Variants in ZDHHC21 observed in about 807,000 individuals in gnomAD.
The protein encoded by ZDHHC21 is palmitoyltransferase ZDHHC21.
ZDHHC21 carries 15 observed loss-of-function variants against 34.6 expected under a neutral mutation model. The observed-to-expected ratio is 0.43, with a 90% CI of 0.29 to 0.67. ZDHHC21 has a LOEUF of 0.67. Among genes scored for constraint, ZDHHC21 ranks in the 30% least tolerant of loss-of-function variants. ZDHHC21 has a pLI of 0.14. For missense variants in ZDHHC21, 344 were observed against 327.7 expected (o/e 1.05, Z -0.38); for synonymous variants, 142 against 101.8 (o/e 1.40, Z -2.38).
intron 8 of ZDHHC21, among the ~76,000 whole-genome samples, chr9:14,626,155 T>C (rs1018074822): frequency 2.6e-5 from 4 of 152,012 alleles, no homozygotes; most frequent in East Asian, 3.8e-4. Context: ...TGGTTATTAG[T>C]AGAAATAAGA....
intron 5 of ZDHHC21, among the ~76,000 whole-genome samples, 175 bp downstream of exon 5, chr9:14,672,655 G>C (rs1005416053): frequency 6.6e-6 from 1 of 152,038 alleles, no homozygotes; most frequent in African/African-American, 2.4e-5. Context: ...CCGGGGTGCA[G>C]GGGGAGCAGG....
intron 2 of ZDHHC21, among the ~76,000 whole-genome samples, chr9:14,680,828 G>C (rs963653910): frequency 3.3e-5 from 5 of 152,144 alleles, no homozygotes; most frequent in African/African-American, 7.2e-5. Context: ...TTAAGACAGA[G>C]AGCAAGGGGA....
At chr9:14,680,761 A>G (rs1240274337) in intron 2 of ZDHHC21, among the ~76,000 whole-genome samples, 1 of 152,224 alleles carries the variant, frequency 6.6e-6, no homozygotes, top group Non-Finnish European at 1.5e-5. Flanking sequence ...GATGAAAAAG[A>G]GAGGCTCTAT....
At chr9:14,596,358 T>C in the ZDHHC21 span, among the ~76,000 whole-genome samples, 1 of 152,088 alleles carries the variant, frequency 6.6e-6, no homozygotes, top group Admixed American at 6.6e-5. Context: ...AGCCGCTAGG[T>C]TGTTGGTATG....
chr9:14,594,862 AT>A, the ZDHHC21 span, among the ~76,000 whole-genome samples: 1 of 152,306 alleles, frequency 6.6e-6, no homozygotes, highest in East Asian at 1.9e-4. Flanking sequence ...GTGGGCAAAA[AT>A]TTTGAATAGA....
chr9:14,644,626 T>C (rs1297720495), intron 7 of ZDHHC21, among the ~76,000 whole-genome samples: 1 of 152,092 alleles, frequency 6.6e-6, no homozygotes, highest in Admixed American at 6.6e-5. Flanking sequence ...TTTGTCTTCA[T>C]ACACTGAGAT....
intron 8 of ZDHHC21, among the ~76,000 whole-genome samples, chr9:14,624,764 C>T (rs62532729): frequency 0.11 from 17,136 of 152,002 alleles, 1,049 homozygotes; most frequent in Non-Finnish European, 0.14. Context: ...CAACAAAGTA[C>T]TGTACATCTC....
intron 7 of ZDHHC21, among the ~76,000 whole-genome samples, chr9:14,655,362 C>G (rs969092229): frequency 1.3e-5 from 2 of 151,856 alleles, no homozygotes; most frequent in African/African-American, 4.8e-5. Flanking sequence ...AAAAAATAAG[C>G]CTAGAGGAGG....
At chr9:14,678,595 C>G (rs1402987514) in intron 3 of ZDHHC21, among the ~76,000 whole-genome samples, 1 of 152,052 alleles carries the variant, frequency 6.6e-6, no homozygotes, top group African/African-American at 2.4e-5. Flanking sequence ...CTGATACAAT[C>G]ATCCTGGGAG....
Position 14,615,774 on chromosome 9 carries a change from TAAAA to T in ZDHHC21, c.*3188_*3191del, listed in dbSNP as rs1824049005. 1 of 151,592 alleles carries T rather than the reference TAAAA, an allele frequency of 6.6e-6. No individual in the cohort carries two copies. 9.4% of individuals were successfully genotyped at this position (151,592 alleles called of 1,614,324 possible). ...GGAGGTGTAACTTACAGTATCTAGG[TAAAA>T]ACCTTTCATTTCCAGAAGGTCGACA... On this transcript the variant is annotated 3_prime_UTR_variant, in exon 10 of 10. Transcript: ENST00000380916.
chr9:14,655,308 C>G (rs559104287), intron 7 of ZDHHC21, among the ~76,000 whole-genome samples: 54 of 151,940 alleles, frequency 3.6e-4, no homozygotes, highest in African/African-American at 1.3e-3. Flanking sequence ...TTCAGGGAAC[C>G]AACACTGAGA....
At chr9:14,634,684 T>C (rs1464161224) in intron 8 of ZDHHC21, among the ~76,000 whole-genome samples, 1 of 151,956 alleles carries the variant, frequency 6.6e-6, no homozygotes, top group Non-Finnish European at 1.5e-5. Context: ...CAAAGATACA[T>C]GTCCAGGAAA....
At chr9:14,656,017 A>G (rs541067666) in intron 7 of ZDHHC21, among the ~76,000 whole-genome samples, 3 of 151,972 alleles carry the variant, frequency 2.0e-5, no homozygotes, top group African/African-American at 7.2e-5. Flanking sequence ...AAAAATTTGA[A>G]GGCAAGAATC....
rs569132012 is a variant in ZDHHC21 at position 14,678,901 on chromosome 9, T to C, written c.-46+1132A>G. Among the ~76,000 whole-genome samples the C allele has an allele frequency of 8.5e-5, 13 of 152,132 alleles. No homozygotes were observed. The South Asian group carries it at 2.5e-3, about 29-fold the overall frequency. ...CTGCATATAACTACCCACAACATAC[T>C]GCTGAGTGAATAAAGCAAGTGATAT... On this transcript the variant is annotated intron_variant, in intron 3 of 9. Transcript: ENST00000380916.
rs1823619310 is a variant in ZDHHC21, at chr9:14,613,251, T to C, written c.*5715A>G. ...CTTAGTAACATTAAATTCTACTTTA[T>C]AAATACACAACGATGTGAGAAGAAA... On this transcript the variant is annotated 3_prime_UTR_variant, in exon 10 of 10. Coordinates refer to ENST00000380916, the MANE Select transcript of ZDHHC21 (RefSeq NM_178566.6). 1 of 151,864 alleles carries C rather than the reference T, an allele frequency of 6.6e-6. No individual in the cohort carries two copies. Among genetic ancestry groups the C allele is most frequent in the Admixed American group, 6.6e-5 (1 of 15,194 alleles). The allele number at this position is 151,864 out of a possible 1,614,324, so 9.4% of individuals were successfully genotyped here.
chr9:14,612,554 G>C lies in ZDHHC21; in HGVS notation c.*6412C>G, dbSNP rs12350760. On this transcript the variant is annotated 3_prime_UTR_variant, in exon 10 of 10. Coordinates refer to ENST00000380916, the MANE Select transcript of ZDHHC21 (RefSeq NM_178566.6). ...TAAAATTAACTACTAAGCAAAATTAGTTTTAAAAATCTTACTCTATGTAAA... is the reference window on the plus strand; with the variant it reads ...TAAAATTAACTACTAAGCAAAATTACTTTTAAAAATCTTACTCTATGTAAA... 3 of 151,886 alleles carry C rather than the reference G, an allele frequency of 2.0e-5. No homozygotes were observed. The highest frequency in any genetic ancestry group is 4.4e-5 in the Non-Finnish European group (3 of 67,898). The allele number at this position is 151,886 out of a possible 1,614,324, so 9.4% of individuals were successfully genotyped here.
rs553691334 is a variant in ZDHHC21, at chr9:14,629,995, G to A, written c.621+9901C>T. Among the ~76,000 whole-genome samples, 10 of 152,204 alleles carry A rather than the reference G, an allele frequency of 6.6e-5. No individual in the cohort carries two copies. The East Asian group carries it at 1.7e-3, about 27-fold the overall frequency. ...CGAGAGACAGAGGTTGCAGTGAGCC[G>A]AGATCACGCCACTGCACGCCAGCCT... On this transcript the variant is annotated intron_variant, in intron 8 of 9. Coordinates refer to ENST00000380916, the MANE Select transcript of ZDHHC21 (RefSeq NM_178566.6).
intron 8 of ZDHHC21, among the ~76,000 whole-genome samples, chr9:14,623,868 A>C (rs946444300): frequency 3.3e-5 from 5 of 152,090 alleles, no homozygotes; most frequent in African/African-American, 1.2e-4. Context: ...ATGTGGAGAA[A>C]AGGGAACCCT....
intron 7 of ZDHHC21, among the ~76,000 whole-genome samples, chr9:14,656,840 T>A (rs1025587227): frequency 1.3e-5 from 2 of 152,034 alleles, no homozygotes; most frequent in African/African-American, 4.8e-5. Flanking sequence ...GCATCTACAA[T>A]TGATGGCTCT....
Sources: allele counts gnomAD v4.1 joint callset (sites outside exome capture counted in the v4.1 genomes callset), GRCh38; gene constraint gnomAD v4.1.1; transcripts MANE v1.5; gene names NCBI Gene and HGNC (gene_info 2026-07-23, HGNC 2026-07-21).